CAMK2D: variants seen among roughly 807,000 people sequenced by gnomAD.
CAMK2D encodes the protein calcium/calmodulin-dependent protein kinase type II subunit delta.
A neutral mutation model predicts 84.0 loss-of-function variants in CAMK2D; 37 were observed. The ratio of observed to expected loss-of-function variants is 0.44; its 90% confidence interval spans 0.34 to 0.58. The LOEUF (loss-of-function observed/expected upper bound fraction) is 0.58. Ranked by LOEUF, CAMK2D falls within the 20% of genes least tolerant of loss-of-function variation. The pLI is 0.02. For synonymous variants in CAMK2D, 202 were observed against 212.5 expected, an observed-to-expected ratio of 0.95 and a Z score of 0.43; for missense variants, 448 against 652.5, an observed-to-expected ratio of 0.69 and a Z score of 3.41.
chr4:113,709,882 G>A (rs2099486523), intron 2 of CAMK2D, among the ~76,000 whole-genome samples: 1 of 148,570 alleles, frequency 6.7e-6, no homozygotes, highest in Admixed American at 6.8e-5. Flanking sequence ...GTTTTAGAAT[G>A]GCATTTATTT....
intron 13 of CAMK2D, among the ~76,000 whole-genome samples, chr4:113,506,142 T>A (rs2098124890): frequency 6.6e-6 from 1 of 152,170 alleles, no homozygotes; most frequent in Non-Finnish European, 1.5e-5. Context: ...GAGTATCAAA[T>A]GAGCATTTCA....
chr4:113,686,047 A>C (rs1458561601), intron 2 of CAMK2D, among the ~76,000 whole-genome samples: 1 of 151,914 alleles, frequency 6.6e-6, no homozygotes, highest in Non-Finnish European at 1.5e-5. Context: ...TGGGCAACAG[A>C]AAGAGATTCT....
intron 4 of CAMK2D, among the ~76,000 whole-genome samples, chr4:113,564,506 A>C (rs2098713279): frequency 6.6e-6 from 1 of 152,098 alleles, no homozygotes; most frequent in African/African-American, 2.4e-5. Context: ...GTTTGATTTA[A>C]ATTTCACACC....
At chr4:113,518,539 G>T (rs182440287) in intron 8 of CAMK2D, among the ~76,000 whole-genome samples, 3 of 152,066 alleles carry the variant, frequency 2.0e-5, no homozygotes, top group African/African-American at 7.2e-5. Flanking sequence ...CACTTTTCAC[G>T]TATTTTATTG....
At chr4:113,723,249 G>C (rs1316803453) in intron 2 of CAMK2D, among the ~76,000 whole-genome samples, 1 of 143,722 alleles carries the variant, frequency 7.0e-6, no homozygotes, top group Non-Finnish European at 1.5e-5. Flanking sequence ...TTTTGAGACA[G>C]AGTCTTACTC....
Position 113,735,987 on chromosome 4 carries a change from T to C in CAMK2D, c.160+23333A>G, listed in dbSNP as rs561043944. Among the ~76,000 whole-genome samples, 15 of 152,220 alleles carry C rather than the reference T, an allele frequency of 9.9e-5. No individual in the cohort carries two copies. The South Asian group carries it at 3.1e-3, about 32-fold the overall frequency. ...GAGCATCAGAGAGACTTAAAAAGGTTCCACCATCTTTATATGACTATTCAG... is the reference window on the plus strand; with the variant it reads ...GAGCATCAGAGAGACTTAAAAAGGTCCCACCATCTTTATATGACTATTCAG... On this transcript the variant is annotated intron_variant, in intron 2 of 20. Coordinates refer to ENST00000511664, the MANE Select transcript of CAMK2D (RefSeq NM_001321571.2).
chr4:113,738,833 C>G (rs1035760554), intron 2 of CAMK2D, among the ~76,000 whole-genome samples: 6 of 151,894 alleles, frequency 4.0e-5, no homozygotes, highest in Admixed American at 6.6e-5. Flanking sequence ...AAAAATTAAT[C>G]GAAGCATTTT....
intron 17 of CAMK2D, 57 bp from the exon 18 acceptor site, chr4:113,460,298 T>C: frequency 1.1e-6 from 1 of 929,116 alleles, no homozygotes; most frequent in Non-Finnish European, 1.8e-6. Context: ...TGTGTTTTGT[T>C]GTTTCATGTG....
chr4:113,702,298 A>T (rs1247545265), intron 2 of CAMK2D, among the ~76,000 whole-genome samples: 1 of 152,168 alleles, frequency 6.6e-6, no homozygotes, highest in East Asian at 1.9e-4. Context: ...CAGACAGCAA[A>T]TATTCTAGGC....
intron 4 of CAMK2D, among the ~76,000 whole-genome samples, chr4:113,587,672 T>C (rs996777295): frequency 3.3e-5 from 5 of 152,190 alleles, no homozygotes; most frequent in African/African-American, 1.2e-4. Context: ...TCTAAGTGTA[T>C]ATGGAAAGTG....
chr4:113,693,359 AT>A lies in CAMK2D; in HGVS notation c.161-31588del, dbSNP rs561907214. 5.7e-3 allele frequency among the ~76,000 whole-genome samples: 862 copies of A among 150,098 alleles called. 16 individuals are homozygous for A. The highest frequency in any genetic ancestry group is 0.038 in the East Asian group (197 of 5,152). Reference sequence around the variant, plus strand: ...CTGCTAAATTCCAAAATGCTAACAGATTTTTTTTTTAGACTTTATTAGTGTA... The same window carrying A: ...CTGCTAAATTCCAAAATGCTAACAGATTTTTTTTTAGACTTTATTAGTGTA... On this transcript the variant is annotated intron_variant, in intron 2 of 20. Coordinates refer to ENST00000511664, the MANE Select transcript of CAMK2D (RefSeq NM_001321571.2).
At chr4:113,672,887 T>C (rs532767437) in intron 2 of CAMK2D, among the ~76,000 whole-genome samples, 7 of 152,228 alleles carry the variant, frequency 4.6e-5, no homozygotes, top group African/African-American at 1.7e-4. Flanking sequence ...CTCAAAAATA[T>C]GTAAAACTAT....
chr4:113,575,031 A>G (rs1453740803), intron 4 of CAMK2D, among the ~76,000 whole-genome samples: 1 of 152,216 alleles, frequency 6.6e-6, no homozygotes, highest in Admixed American at 6.5e-5. Context: ...TTAACAGCCA[A>G]TTAGGCTTTC....
chr4:113,583,242 C>CA (rs34153548), intron 4 of CAMK2D, among the ~76,000 whole-genome samples: 106,812 of 151,970 alleles, frequency 0.7, 37,742 homozygotes, highest in Middle Eastern at 0.75. Context: ...TCATAGGGCA[C>CA]AAAAAATGCA....
chr4:113,604,421 T>C lies in CAMK2D; in HGVS notation c.275+4731A>G, dbSNP rs143015596. ...CATTGAAAATGCATACTTTTAACCA[T>C]TGTTTTTCAATTTTTCTAATGCTTT... On this transcript the variant is annotated intron_variant, in intron 4 of 20. Coordinates refer to ENST00000511664, the MANE Select transcript of CAMK2D (RefSeq NM_001321571.2). Among the ~76,000 whole-genome samples, 460 of 152,328 alleles carry C rather than the reference T, an allele frequency of 3.0e-3. 3 individuals carry two copies. Among genetic ancestry groups the C allele is most frequent in the African/African-American group, 8.9e-3 (368 of 41,578 alleles).
intron 4 of CAMK2D, among the ~76,000 whole-genome samples, chr4:113,591,172 C>T (rs1007165566): frequency 2.7e-5 from 4 of 150,478 alleles, no homozygotes; most frequent in South Asian, 2.1e-4. Context: ...ATTTTATTCA[C>T]GTAGTCAAAA....
chr4:113,759,289 T>C, intron 2 of CAMK2D, 31 bp downstream of exon 2: 1 of 1,361,282 alleles, frequency 7.3e-7, no homozygotes, highest in Non-Finnish European at 1.0e-6. Flanking sequence ...AAATACAAAA[T>C]TAACCAATAT....
chr4:113,538,834 T>C (rs2098511043), intron 6 of CAMK2D, among the ~76,000 whole-genome samples: 1 of 152,160 alleles, frequency 6.6e-6, no homozygotes, highest in African/African-American at 2.4e-5. Context: ...TAAGTTTTAA[T>C]CAAGTACCAG....
At position 113,502,918 on chromosome 4, in the gene CAMK2D, T is replaced by C. The variant is rs192074087; in HGVS notation, c.1086+18A>G. ...ATAGTCTTGTTAAAGCAAGATGATG[T>C]TGATTCTTTCTGAATACCTTGTTTC... is the stretch of plus-strand genomic sequence containing the variant. On this transcript the variant is annotated intron_variant, in intron 15 of 20. Transcript: ENST00000511664. 5.1e-6 allele frequency: 8 copies of C among 1,566,448 alleles called. No individual in the cohort carries two copies. In the East Asian group the frequency reaches 1.3e-4, roughly 26 times the overall value.
Sources: allele counts gnomAD v4.1 joint callset (sites outside exome capture counted in the v4.1 genomes callset), GRCh38; gene constraint gnomAD v4.1.1; transcripts MANE v1.5; gene names NCBI Gene and HGNC (gene_info 2026-07-23, HGNC 2026-07-21).